Variants in ADAM18 observed in about 807,000 individuals in gnomAD.
ADAM18 encodes the protein disintegrin and metalloproteinase domain-containing protein 18.
In ADAM18, 117 loss-of-function variants were observed where a neutral mutation model predicts 94.4. The ratio of observed to expected loss-of-function variants is 1.24; its 90% CI spans 1.07 to 1.45. ADAM18 has a LOEUF of 1.45. ADAM18 is among the 40% of genes most tolerant of loss of function. ADAM18 has a pLI of 0.00. For synonymous variants in ADAM18, 327 were observed against 291.6 expected (o/e 1.12, Z -1.24); for missense variants, 936 against 880.0 (o/e 1.06, Z -0.81).
chr8:39,674,377 T>TAATGGC (rs571632650), intron 14 of ADAM18, among the ~76,000 whole-genome samples: 23 of 152,342 alleles, frequency 1.5e-4, no homozygotes, highest in African/African-American at 5.5e-4. Context: ...TACCATTATG[T>TAATGGC]AATGGCCTTC....
intron 4 of ADAM18, 22 bp from the exon 5 acceptor site, chr8:39,609,463 G>T: frequency 6.4e-7 from 1 of 1,571,546 alleles, no homozygotes. Flanking sequence ...TTATATACTT[G>T]CCTTTCTATA....
chr8:39,699,705 G>A (rs1585993444), intron 17 of ADAM18, among the ~76,000 whole-genome samples: 1 of 152,094 alleles, frequency 6.6e-6, no homozygotes, highest in Non-Finnish European at 1.5e-5. Flanking sequence ...GTGCCACAAG[G>A]TATTGAGTCT....
chr8:39,593,597 A>C (rs1426370500), intron 2 of ADAM18, among the ~76,000 whole-genome samples: 1 of 152,168 alleles, frequency 6.6e-6, no homozygotes, highest in Non-Finnish European at 1.5e-5. Flanking sequence ...ATCCAAACAT[A>C]TACAGTCAAC....
intron 7 of ADAM18, among the ~76,000 whole-genome samples, chr8:39,632,548 G>C (rs1391604817): frequency 6.6e-6 from 1 of 151,948 alleles, no homozygotes; most frequent in African/African-American, 2.4e-5. Flanking sequence ...CAAGTAACCT[G>C]ATCTTTTATT....
At chr8:39,716,826 T>C (rs1001872821) in intron 18 of ADAM18, among the ~76,000 whole-genome samples, 14 of 151,894 alleles carry the variant, frequency 9.2e-5, no homozygotes, top group African/African-American at 3.1e-4. Context: ...TGTATTGATA[T>C]CTATTTCTCC....
intron 2 of ADAM18, chr8:39,605,809 C>T (rs111430645): frequency 0.061 from 10,742 of 176,266 alleles, 466 homozygotes; most frequent in Non-Finnish European, 0.088. Context: ...ACCCATCACC[C>T]GAGCAGTATA....
intron 7 of ADAM18, among the ~76,000 whole-genome samples, chr8:39,633,665 A>G (rs1023705477): frequency 6.6e-6 from 1 of 152,180 alleles, no homozygotes; most frequent in African/African-American, 2.4e-5. Flanking sequence ...GAACTCAGAT[A>G]TTTGGCAAAA....
rs146599359 is a variant in ADAM18 at position 39,684,978 on chromosome 8, G to A, written c.1821+4752G>A. On this transcript the variant is annotated intron_variant, in intron 16 of 19. Coordinates refer to ENST00000265707, the MANE Select transcript of ADAM18 (RefSeq NM_014237.3). ...GCCCCCAGTCACGTACCCCTCACTCGCTTAATTAATCACAACCCCCTCACT... is the reference window on the plus strand; with the variant it reads ...GCCCCCAGTCACGTACCCCTCACTCACTTAATTAATCACAACCCCCTCACT... 7.2e-5 allele frequency among the ~76,000 whole-genome samples: 11 copies of A among 152,138 alleles called. No homozygotes were observed. In the East Asian group the frequency reaches 1.5e-3, roughly 21 times the overall value.
At chr8:39,614,712 G>T (rs1405722787) in intron 6 of ADAM18, among the ~76,000 whole-genome samples, 1 of 152,110 alleles carries the variant, frequency 6.6e-6, no homozygotes, top group Non-Finnish European at 1.5e-5. Context: ...TTCTTCAAGG[G>T]ACCCATTTCA....
Position 39,680,185 on chromosome 8 carries a change from A to G in ADAM18, c.1780A>G (p.Asn594Asp), listed in dbSNP as rs769344707. ...GSSMRSDGTD[N>D]AYVADGTMCG... The stretch of plus-strand genomic sequence containing the variant: ...CTCCATGAGATCAGATGGAACAGAC[A>G]ATGCCTATGTGGCTGATGGCACCAT... Residue 594 changes from asparagine to aspartate, a missense_variant, in exon 16 of 20, where the codon AAT (asparagine) becomes GAT (aspartate). Coordinates refer to ENST00000265707, the MANE Select transcript of ADAM18 (RefSeq NM_014237.3). 1.2e-5 allele frequency: 20 copies of G among 1,613,710 alleles called. No individual in the cohort carries two copies. The highest frequency in any genetic ancestry group is 1.7e-5 in the Non-Finnish European group (20 of 1,179,860).
intron 6 of ADAM18, among the ~76,000 whole-genome samples, chr8:39,621,413 G>A (rs1819610431): frequency 6.6e-6 from 1 of 151,042 alleles, no homozygotes; most frequent in Non-Finnish European, 1.5e-5. Context: ...GGGGAAAACT[G>A]GATGAATGAC....
In ADAM18 at chr8:39,686,473, G is replaced by A. The variant is rs1314636634; in HGVS notation, c.1822-6127G>A. The stretch of plus-strand genomic sequence containing the variant: ...TCCATTGAACCTCTTTTATTAAGGC[G>A]CTAATCTCATTCATGGGGATTCTAC... On this transcript the variant is annotated intron_variant, in intron 16 of 19. Transcript: ENST00000265707. 4.6e-5 allele frequency among the ~76,000 whole-genome samples: 7 copies of A among 152,204 alleles called. No homozygotes were observed. The South Asian group carries it at 6.2e-4, about 14-fold the overall frequency.
rs1563310532 is a variant in ADAM18, at chr8:39,696,300, TG to T, written c.1902+3621del. Among the ~76,000 whole-genome samples, 4 of 151,030 alleles carry T rather than the reference TG, an allele frequency of 2.6e-5. No homozygotes were observed. In the East Asian group the frequency reaches 7.8e-4, roughly 29 times the overall value. On this transcript the variant is annotated intron_variant, in intron 17 of 19. Transcript: ENST00000265707. ...TTGGATATTAATTCCTTATCATATA[TG>T]TGATTTGCTATTTTTCCATTCTAAA... is the stretch of plus-strand genomic sequence containing the variant.
At chr8:39,693,733 A>G (rs749086568) in intron 17 of ADAM18, among the ~76,000 whole-genome samples, 5 of 151,204 alleles carry the variant, frequency 3.3e-5, no homozygotes, top group Non-Finnish European at 4.5e-5. Flanking sequence ...CATAAAGGAA[A>G]TACATAAGGT....
intron 2 of ADAM18, among the ~76,000 whole-genome samples, chr8:39,595,840 C>G (rs1426313081): frequency 3.3e-5 from 5 of 152,038 alleles, no homozygotes. Flanking sequence ...AGTTATTGCT[C>G]AAGTCCTTAT....
chr8:39,661,191 C>G (rs1272986970), intron 12 of ADAM18, among the ~76,000 whole-genome samples: 1 of 127,188 alleles, frequency 7.9e-6, no homozygotes. Flanking sequence ...CTCGGTTTGT[C>G]GCCCAGGCTG....
chr8:39,611,423 GA>G (rs113833733), intron 6 of ADAM18: 2 of 839,332 alleles, frequency 2.4e-6, no homozygotes, highest in African/African-American at 1.9e-5. Context: ...TGTGAATCCT[GA>G]AAAAAAAAAT....
intron 7 of ADAM18, among the ~76,000 whole-genome samples, chr8:39,637,019 TTATATATATATATATATATATATA>T (rs35248371): frequency 2.2e-4 from 12 of 54,854 alleles, no homozygotes; most frequent in East Asian, 2.1e-3. Context: ...TGTGTGTATT[TTATATATATATATATATATATATA>T]TATATATATA....
intron 17 of ADAM18, among the ~76,000 whole-genome samples, chr8:39,703,635 T>C (rs1822150418): frequency 6.6e-6 from 1 of 152,126 alleles, no homozygotes; most frequent in Admixed American, 6.6e-5. Flanking sequence ...ACATGGCTCT[T>C]ATTGTTTTGA....
Sources: allele counts gnomAD v4.1 joint callset (sites outside exome capture counted in the v4.1 genomes callset), GRCh38; gene constraint gnomAD v4.1.1; transcripts MANE v1.5; gene names NCBI Gene and HGNC (gene_info 2026-07-23, HGNC 2026-07-21).